Variants in JAZF1 observed in about 807,000 individuals in gnomAD.
The protein encoded by JAZF1 is juxtaposed with another zinc finger protein 1.
A neutral mutation model predicts 26.4 loss-of-function variants in JAZF1; 8 were observed. That is an observed-to-expected ratio of 0.30 (90% CI 0.18 to 0.55). The LOEUF is 0.55. Ranked by LOEUF, JAZF1 falls within the 20% of genes least tolerant of loss-of-function variation. The pLI is 0.94. For synonymous variants in JAZF1, 126 were observed against 122.3 expected, an observed-to-expected ratio of 1.03 and a Z score of -0.20; for missense variants, 199 against 322.0, an observed-to-expected ratio of 0.62 and a Z score of 2.92.
At chr7:27,920,889 T>C (rs1784518587) in intron 2 of JAZF1, among the ~76,000 whole-genome samples, 1 of 152,174 alleles carries the variant, frequency 6.6e-6, no homozygotes. Context: ...AACACAGCTG[T>C]AGTAATGTTG....
chr7:27,897,418 CT>C (rs974835946), intron 2 of JAZF1, among the ~76,000 whole-genome samples: 8 of 152,186 alleles, frequency 5.3e-5, no homozygotes, highest in Admixed American at 5.2e-4. Flanking sequence ...GGTTTATTCT[CT>C]GTAAAATGGG....
At chr7:27,895,641 C>G (rs1784050643) in intron 2 of JAZF1, among the ~76,000 whole-genome samples, 1 of 152,168 alleles carries the variant, frequency 6.6e-6, no homozygotes. Context: ...TCTTACCCAG[C>G]AAATCCTCCT....
chr7:28,026,039 C>A (rs1171221932), intron 1 of JAZF1, among the ~76,000 whole-genome samples: 1 of 152,186 alleles, frequency 6.6e-6, no homozygotes, highest in Non-Finnish European at 1.5e-5. Context: ...AATGTGTAAT[C>A]CAGGTCTGGC....
intron 3 of JAZF1, among the ~76,000 whole-genome samples, chr7:27,862,716 A>G (rs567271851): frequency 6.6e-6 from 1 of 152,248 alleles, no homozygotes; most frequent in African/African-American, 2.4e-5. Flanking sequence ...CTTGCTGTCC[A>G]GCTTCCACGC....
At chr7:27,990,161 A>G (rs1482001724) in intron 2 of JAZF1, among the ~76,000 whole-genome samples, 1 of 152,218 alleles carries the variant, frequency 6.6e-6, no homozygotes, top group Non-Finnish European at 1.5e-5. Context: ...GGAAACCATC[A>G]TTCTGAGCAA....
At chr7:28,050,466 TA>T (rs564449880) in intron 1 of JAZF1, among the ~76,000 whole-genome samples, 252 of 152,230 alleles carry the variant, frequency 1.7e-3, no homozygotes, top group African/African-American at 5.9e-3. Context: ...TACACTTTAA[TA>T]GGGTCTATTT....
At chr7:28,011,653 A>G (rs1782802051) in intron 1 of JAZF1, among the ~76,000 whole-genome samples, 1 of 152,184 alleles carries the variant, frequency 6.6e-6, no homozygotes, top group South Asian at 2.1e-4. Context: ...GAGCGCAGGG[A>G]AATATCTGCC....
intron 2 of JAZF1, among the ~76,000 whole-genome samples, chr7:27,953,790 G>C (rs192215659): frequency 6.6e-6 from 1 of 152,224 alleles, no homozygotes; most frequent in East Asian, 1.9e-4. Context: ...CTAAGTTATG[G>C]GCTGAGTCTG....
chr7:28,090,874 CG>C (rs1784284699), intron 1 of JAZF1, among the ~76,000 whole-genome samples: 1 of 139,136 alleles, frequency 7.2e-6, no homozygotes, highest in South Asian at 2.3e-4. Flanking sequence ...GGCCGGACTG[CG>C]GACTGCAGTG....
intron 4 of JAZF1, 146 bp from the exon 5 acceptor site, chr7:27,833,122 C>CA: frequency 3.7e-6 from 2 of 538,618 alleles, no homozygotes; most frequent in East Asian, 6.2e-5. Flanking sequence ...TGGGACCCTT[C>CA]AAGGACATTC....
At chr7:28,004,149 G>A (rs1782658367) in intron 1 of JAZF1, among the ~76,000 whole-genome samples, 2 of 152,246 alleles carry the variant, frequency 1.3e-5, no homozygotes, top group South Asian at 2.1e-4. Context: ...CTATTTGCAT[G>A]TTTTGTGATT....
At chr7:27,855,953 C>T (rs1294221368) in intron 3 of JAZF1, among the ~76,000 whole-genome samples, 1 of 152,146 alleles carries the variant, frequency 6.6e-6, no homozygotes, top group Non-Finnish European at 1.5e-5. Context: ...ACATCGATGC[C>T]AAAATCCTCA....
intron 2 of JAZF1, among the ~76,000 whole-genome samples, chr7:27,942,242 T>G (rs1784858344): frequency 6.6e-6 from 1 of 152,216 alleles, no homozygotes. Context: ...TTGCACAATG[T>G]CTTATGCGCA....
chr7:28,021,673 C>A (rs7796728), intron 1 of JAZF1, among the ~76,000 whole-genome samples: 5,583 of 152,276 alleles, frequency 0.037, 360 homozygotes, highest in African/African-American at 0.13. Flanking sequence ...CAGGCAGGGC[C>A]TCCTGACCAG....
At chr7:28,106,712 A>T (rs893899206) in intron 1 of JAZF1, among the ~76,000 whole-genome samples, 1 of 152,230 alleles carries the variant, frequency 6.6e-6, no homozygotes, top group Non-Finnish European at 1.5e-5. Flanking sequence ...AGTGAGGCAG[A>T]TCACTTACGG....
At chr7:28,066,661 CA>C (rs897060681) in intron 1 of JAZF1, among the ~76,000 whole-genome samples, 4 of 144,362 alleles carry the variant, frequency 2.8e-5, no homozygotes, top group African/African-American at 1.0e-4. Context: ...TGGGAACCAT[CA>C]AACCAGATGA....
intron 3 of JAZF1, among the ~76,000 whole-genome samples, chr7:27,862,998 T>C (rs1230620129): frequency 6.6e-6 from 1 of 152,160 alleles, no homozygotes; most frequent in African/African-American, 2.4e-5. Context: ...TGGGGCCCGA[T>C]GGTCCCATGT....
chr7:27,875,565 C>A (rs546202453), intron 3 of JAZF1, among the ~76,000 whole-genome samples: 3 of 152,156 alleles, frequency 2.0e-5, no homozygotes, highest in Non-Finnish European at 4.4e-5. Flanking sequence ...TTCTCTTCAT[C>A]TAAGAGGTAC....
intron 4 of JAZF1, among the ~76,000 whole-genome samples, chr7:27,835,348 T>C (rs1294771964): frequency 6.6e-6 from 1 of 152,172 alleles, no homozygotes; most frequent in African/African-American, 2.4e-5. Context: ...GCCAGTCCAA[T>C]GTGAAGCCAG....
Sources: gnomAD v4.1 joint callset for allele counts (sites outside exome capture counted in the v4.1 genomes callset) on GRCh38, gnomAD v4.1.1 for gene constraint, MANE v1.5 for transcripts, NCBI Gene and HGNC (gene_info 2026-07-23, HGNC 2026-07-21) for gene names.